Variants in SOD2 observed in about 807,000 individuals in gnomAD.
The protein encoded by SOD2 is superoxide dismutase [Mn], mitochondrial.
SOD2 carries 11 observed loss-of-function variants against 27.0 expected under a neutral mutation model. The observed-to-expected ratio is 0.41, with a 90% CI of 0.26 to 0.67. The LOEUF (loss-of-function observed/expected upper bound fraction) is 0.67, where lower values mean the gene tolerates loss of function less well. Ranked by LOEUF, SOD2 falls within the 30% of genes least tolerant of loss-of-function variation. SOD2 has a pLI of 0.34. For missense variants in SOD2, 250 were observed against 274.5 expected, an observed-to-expected ratio of 0.91 and a Z score of 0.63; for synonymous variants, 105 against 103.0, an observed-to-expected ratio of 1.02 and a Z score of -0.12.
chr6:159,755,329 TC>T, intron 1 of SOD2: 4 of 1,614,238 alleles, frequency 2.5e-6, no homozygotes, highest in Non-Finnish European at 3.4e-6. Context: ...AAGATGACTT[TC>T]CTTCTTCTCC....
chr6:159,737,350 C>T (rs1778984112), intron 1 of SOD2, among the ~76,000 whole-genome samples: 3 of 152,060 alleles, frequency 2.0e-5, no homozygotes, highest in African/African-American at 7.2e-5. Flanking sequence ...CTCTGGCAGC[C>T]TTTCAATATG....
intron 1 of SOD2, among the ~76,000 whole-genome samples, chr6:159,724,442 G>A (rs1174834922): frequency 6.6e-6 from 1 of 152,204 alleles, no homozygotes; most frequent in African/African-American, 2.4e-5. Flanking sequence ...TCATAAATCA[G>A]TGAAGCTGAA....
At position 159,682,572 on chromosome 6, in the gene SOD2, C is replaced by A; in HGVS notation, c.590G>T (p.Arg197Met). Residue 197 changes from arginine (R) to methionine (M), a missense_variant, in exon 5 of 5, where the codon AGG becomes ATG. Coordinates refer to ENST00000538183, the MANE Select transcript of SOD2 (RefSeq NM_000636.4). The part of the protein sequence containing the change: ...HAYYLQYKNV[R>M]PDYLKAIWNV... ...CCAAATAGCTTTTAGATAATCAGGC[C>A]TGACATTTTTATACTGAAGGTAGTA... 1 of 1,613,986 alleles carries A rather than the reference C, an allele frequency of 6.2e-7. No individual in the cohort carries two copies. Among genetic ancestry groups the A allele is most frequent in the Middle Eastern group, 1.7e-4 (1 of 6,060 alleles).
At chr6:159,683,710 T>C (rs1780058254) in intron 4 of SOD2, among the ~76,000 whole-genome samples, 1 of 152,180 alleles carries the variant, frequency 6.6e-6, no homozygotes, top group Admixed American at 6.5e-5. Flanking sequence ...TGGGACTCAC[T>C]TACAAATATC....
intron 3 of SOD2, among the ~76,000 whole-genome samples, 186 bp from the exon 4 acceptor site, chr6:159,685,219 C>CTTTTTT (rs750824041): frequency 0.017 from 1,219 of 73,334 alleles, 37 homozygotes; most frequent in Middle Eastern, 0.056. Flanking sequence ...ATAACTTCAA[C>CTTTTTT]TTTTTTTTTT....
chr6:159,687,988 G>A (rs1032990431), intron 3 of SOD2, 138 bp downstream of exon 3: 6 of 628,736 alleles, frequency 9.5e-6, no homozygotes, highest in African/African-American at 9.3e-5. Context: ...TCCAGCCTGG[G>A]CAACAAGAGC....
intron 1 of SOD2, among the ~76,000 whole-genome samples, chr6:159,738,022 T>C (rs539285142): frequency 2.6e-5 from 4 of 152,336 alleles, no homozygotes; most frequent in Admixed American, 6.5e-5. Context: ...CTAGCAGACA[T>C]CTCTAATAAC....
At chr6:159,725,666 C>T (rs1025975387) in intron 1 of SOD2, 27 of 151,910 alleles carry the variant, frequency 1.8e-4, no homozygotes, top group African/African-American at 6.5e-4. Context: ...TCTCCACCCC[C>T]CACTCTTTAT....
intron 1 of SOD2, among the ~76,000 whole-genome samples, chr6:159,711,206 GCTCTGATCACCATAACCA>G (rs1444280668): frequency 5.5e-5 from 4 of 72,706 alleles, no homozygotes; most frequent in African/African-American, 3.3e-4. Context: ...CACTCACATT[GCTCTGATCACCATAACCA>G]CCTCCACAAC....
chr6:159,725,176 C>T (rs1778127766), intron 1 of SOD2, among the ~76,000 whole-genome samples: 1 of 152,134 alleles, frequency 6.6e-6, no homozygotes, highest in Non-Finnish European at 1.5e-5. Context: ...TACTAGAGTA[C>T]TGTGTTCAAA....
chr6:159,712,972 T>C (rs1411185922), intron 1 of SOD2: 1 of 616,386 alleles, frequency 1.6e-6, no homozygotes, highest in Non-Finnish European at 3.0e-6. Flanking sequence ...TTGCCATAGC[T>C]GCCACTGCAT....
At chr6:159,753,674 GC>G in intron 1 of SOD2, 1 of 1,537,094 alleles carries the variant, frequency 6.5e-7, no homozygotes, top group South Asian at 1.3e-5. Context: ...TTTTAAAACT[GC>G]CAGTCATGAA....
At chr6:159,722,875 G>A (rs1224550500) in intron 1 of SOD2, among the ~76,000 whole-genome samples, 1 of 152,178 alleles carries the variant, frequency 6.6e-6, no homozygotes, top group Non-Finnish European at 1.5e-5. Flanking sequence ...TAACTTCTAT[G>A]ACAATCAGCT....
At position 159,670,353 on chromosome 6, in the gene SOD2, G is replaced by T. The variant is rs1779628663; in HGVS notation, c.*12140C>A. The T allele has an allele frequency of 6.6e-6, 1 of 152,092 alleles. No individual in the cohort carries two copies. The highest frequency in any genetic ancestry group is 1.5e-5 in the Non-Finnish European group (1 of 68,016). 9.4% of individuals were successfully genotyped at this position (152,092 alleles called of 1,614,324 possible). A position where few individuals can be genotyped will look rare whatever the true frequency, so the allele number is the denominator to read the frequency against. On this transcript the variant is annotated 3_prime_UTR_variant, in exon 5 of 5. Transcript: ENST00000538183. The stretch of plus-strand genomic sequence containing the variant: ...GTGTCATTTTTTAAATTGTTTTCTG[G>T]TAAAAATGCTAACAGTAACTAGGAG...
intron 4 of SOD2, among the ~76,000 whole-genome samples, chr6:159,684,292 T>C (rs1240987411): frequency 6.6e-6 from 1 of 152,174 alleles, no homozygotes; most frequent in South Asian, 2.1e-4. Context: ...TAAGCTGATA[T>C]TAATTCTCTG....
upstream of SOD2, among the ~76,000 whole-genome samples, chr6:159,729,665 C>T (rs1778446064): frequency 6.6e-6 from 1 of 152,204 alleles, no homozygotes; most frequent in African/African-American, 2.4e-5. Flanking sequence ...GACTTGGAAA[C>T]TGCAAGAGTT....
At chr6:159,726,959 C>G (rs1444286871) in intron 1 of SOD2, 1 of 1,286,108 alleles carries the variant, frequency 7.8e-7, no homozygotes, top group Non-Finnish European at 1.0e-6. Flanking sequence ...ATGAGCGTCA[C>G]GAACACAGAG....
intron 1 of SOD2, chr6:159,736,231 C>G (rs768851271): frequency 6.3e-7 from 1 of 1,576,604 alleles, no homozygotes; most frequent in Non-Finnish European, 8.6e-7. Context: ...ATAAATTGAA[C>G]TTGTTTTCCG....
In SOD2 at chr6:159,710,052, G is replaced by C. The variant is rs570134159; in HGVS notation, c.-116+17077C>G. Among the ~76,000 whole-genome samples, 3 of 143,928 alleles carry C rather than the reference G, an allele frequency of 2.1e-5. No individual in the cohort carries two copies. The South Asian group carries it at 6.6e-4, about 32-fold the overall frequency. The allele number at this position is 143,928 out of a possible 152,430, so 94.4% of individuals were successfully genotyped here. On this transcript the variant is annotated intron_variant, in intron 1 of 2. Coordinates refer to the SOD2 transcript ENST00000401980. ...AAACACCACATGTTCTCACTCATAG[G>C]TGGGAATTGAACAATTGAACTTGGA...
Sources: allele counts gnomAD v4.1 joint callset (sites outside exome capture counted in the v4.1 genomes callset), GRCh38; gene constraint gnomAD v4.1.1; transcripts MANE v1.5; gene names NCBI Gene and HGNC (gene_info 2026-07-23, HGNC 2026-07-21).